Variants in MAP7 observed in about 807,000 individuals in gnomAD.
MAP7 encodes ensconsin.
In MAP7, 52 loss-of-function variants were observed where a neutral mutation model predicts 94.8. The ratio of observed to expected loss-of-function variants is 0.55; its 90% CI spans 0.44 to 0.69. The LOEUF (loss-of-function observed/expected upper bound fraction) is 0.69, where lower values mean the gene tolerates loss of function less well. Ranked by LOEUF, MAP7 falls within the 30% of genes least tolerant of loss-of-function variation. The pLI is 0.00. For missense variants in MAP7, 940 were observed against 964.6 expected, an observed-to-expected ratio of 0.97 and a Z score of 0.34; for synonymous variants, 350 against 357.0, an observed-to-expected ratio of 0.98 and a Z score of 0.22.
intron 1 of MAP7, among the ~76,000 whole-genome samples, chr6:136,539,383 G>T (rs926275211): frequency 8.5e-5 from 13 of 152,170 alleles, no homozygotes; most frequent in African/African-American, 3.1e-4. Context: ...TAGTAGGTTA[G>T]AATTACCCCT....
At chr6:136,474,017 C>T (rs1012608278) in intron 1 of MAP7, among the ~76,000 whole-genome samples, 7 of 152,070 alleles carry the variant, frequency 4.6e-5, no homozygotes, top group South Asian at 2.1e-4. Context: ...CAGGGAGGGC[C>T]TCTCTGAGGA....
intron 1 of MAP7, among the ~76,000 whole-genome samples, chr6:136,536,926 A>G (rs1828932746): frequency 1.3e-5 from 2 of 152,052 alleles, no homozygotes; most frequent in African/African-American, 4.8e-5. Flanking sequence ...AGGTGTCTGA[A>G]CTCCATACCC....
intron 5 of MAP7, among the ~76,000 whole-genome samples, chr6:136,387,643 T>C (rs183401461): frequency 1.2e-4 from 19 of 152,016 alleles, no homozygotes; most frequent in African/African-American, 4.6e-4. Context: ...CCACCAAAAG[T>C]TATGAAGTGG....
At chr6:136,411,792 G>T in intron 2 of MAP7, 95 bp from the exon 3 acceptor site, 1 of 984,796 alleles carries the variant, frequency 1.0e-6, no homozygotes, top group Non-Finnish European at 1.5e-6. Flanking sequence ...CAGTAAATCT[G>T]AAGAATAATA....
At chr6:136,514,321 A>C (rs1363362722) in intron 1 of MAP7, among the ~76,000 whole-genome samples, 1 of 152,236 alleles carries the variant, frequency 6.6e-6, no homozygotes, top group Non-Finnish European at 1.5e-5. Context: ...GCAGTGGCTC[A>C]TGCCTGTAAT....
chr6:136,506,890 T>G lies in MAP7; in HGVS notation c.67+43452A>C, dbSNP rs112868550. On this transcript the variant is annotated intron_variant, in intron 1 of 17. Transcript: ENST00000354570. Reference sequence around the variant, plus strand: ...GGCCATACTTCAATCACTCATAGACTGCTGAGTGTTCAAACTGCATTCAAA... The same window carrying G: ...GGCCATACTTCAATCACTCATAGACGGCTGAGTGTTCAAACTGCATTCAAA... Among the ~76,000 whole-genome samples, 55 of 152,326 alleles carry G rather than the reference T, an allele frequency of 3.6e-4. 1 individual carries two copies. The highest frequency in any genetic ancestry group is 1.3e-3 in the African/African-American group (52 of 41,568).
At chr6:136,546,248 T>G (rs1421194234) in intron 1 of MAP7, among the ~76,000 whole-genome samples, 5 of 151,850 alleles carry the variant, frequency 3.3e-5, no homozygotes, top group African/African-American at 1.2e-4. Context: ...CCTGGCCTCA[T>G]GTGATCTGCC....
chr6:136,476,741 T>C (rs1304616775), intron 1 of MAP7, among the ~76,000 whole-genome samples: 1 of 152,200 alleles, frequency 6.6e-6, no homozygotes, highest in Non-Finnish European at 1.5e-5. Context: ...AGTGTATGCA[T>C]ACATTTTAGG....
chr6:136,368,169 C>T (rs1033435115), intron 8 of MAP7, among the ~76,000 whole-genome samples: 2 of 151,856 alleles, frequency 1.3e-5, no homozygotes, highest in African/African-American at 2.4e-5. Context: ...GAAAAACACT[C>T]GATACTTAAC....
At chr6:136,523,144 GCAA>G (rs1357732657) in intron 1 of MAP7, among the ~76,000 whole-genome samples, 2 of 152,194 alleles carry the variant, frequency 1.3e-5, no homozygotes, top group African/African-American at 2.4e-5. Flanking sequence ...TCAGAACAGT[GCAA>G]CAACATTTAA....
chr6:136,546,383 C>T (rs1313426704), intron 1 of MAP7, among the ~76,000 whole-genome samples: 1 of 148,946 alleles, frequency 6.7e-6, no homozygotes, highest in Non-Finnish European at 1.5e-5. Context: ...CACTACTCTT[C>T]TCAGCCTCTG....
At chr6:136,545,661 T>TAAAA (rs1829674229) in intron 1 of MAP7, among the ~76,000 whole-genome samples, 2 of 152,376 alleles carry the variant, frequency 1.3e-5, no homozygotes, top group African/African-American at 4.8e-5. Flanking sequence ...TTGCTCTTTT[T>TAAAA]CACACCTGCA....
intron 2 of MAP7, among the ~76,000 whole-genome samples, chr6:136,420,778 A>G (rs1273931778): frequency 1.3e-5 from 2 of 151,400 alleles, no homozygotes; most frequent in Non-Finnish European, 2.9e-5. Flanking sequence ...TAAATGACAA[A>G]CCAGATTTAT....
At chr6:136,525,945 G>A (rs1279471049) in intron 1 of MAP7, 2 of 1,530,312 alleles carry the variant, frequency 1.3e-6, no homozygotes, top group Admixed American at 4.0e-5. Flanking sequence ...ATGTCGGAGA[G>A]CTGTAGCTGA....
At chr6:136,398,812 T>C (rs1394462476) in intron 3 of MAP7, among the ~76,000 whole-genome samples, 1 of 152,150 alleles carries the variant, frequency 6.6e-6, no homozygotes, top group African/African-American at 2.4e-5. Context: ...ACACACAGCA[T>C]GCAGCTAACA....
chr6:136,511,890 A>C (rs2129032181), intron 1 of MAP7, among the ~76,000 whole-genome samples: 1 of 152,332 alleles, frequency 6.6e-6, no homozygotes. Context: ...TTTTATAATA[A>C]GCTCTGGCAG....
At chr6:136,444,192 T>C (rs1798678312) in intron 1 of MAP7, among the ~76,000 whole-genome samples, 1 of 152,084 alleles carries the variant, frequency 6.6e-6, no homozygotes, top group Non-Finnish European at 1.5e-5. Flanking sequence ...GCCATGGAGG[T>C]CTATGAGCCT....
At chr6:136,538,363 T>C (rs1829044622) in intron 1 of MAP7, among the ~76,000 whole-genome samples, 7 of 152,244 alleles carry the variant, frequency 4.6e-5, no homozygotes, top group Admixed American at 4.6e-4. Context: ...TCTATTTTCC[T>C]GGTAGAGAAG....
intron 11 of MAP7, among the ~76,000 whole-genome samples, chr6:136,362,132 A>G (rs1160918676): frequency 6.6e-6 from 1 of 152,194 alleles, no homozygotes; most frequent in Non-Finnish European, 1.5e-5. Context: ...TTAAAATAAG[A>G]AAACATGGCT....
Sources: allele counts gnomAD v4.1 joint callset (sites outside exome capture counted in the v4.1 genomes callset), GRCh38; gene constraint gnomAD v4.1.1; transcripts MANE v1.5; gene names NCBI Gene and HGNC (gene_info 2026-07-23, HGNC 2026-07-21).